The following TSPAN9 variants were observed in gnomAD, a reference collection of about 807,000 sequenced individuals.
The protein encoded by TSPAN9 is tetraspanin 9, also known as tetraspanin-9.
TSPAN9 carries 16 observed loss-of-function variants against 31.0 expected under a neutral mutation model. The observed-to-expected ratio is 0.52, with a 90% CI of 0.35 to 0.78. The LOEUF is 0.78. TSPAN9 is among the 30% of genes least tolerant of loss of function. The probability of loss-of-function intolerance (pLI) is 0.01; values close to 1 mark genes in which losing one functional copy is unlikely to be tolerated. For missense variants in TSPAN9, 272 were observed against 312.5 expected, an observed-to-expected ratio of 0.87 and a Z score of 0.98; for synonymous variants, 145 against 121.6, an observed-to-expected ratio of 1.19 and a Z score of -1.27.
intron 2 of TSPAN9, among the ~76,000 whole-genome samples, chr12:3,125,800 C>T (rs1427046874): frequency 1.3e-5 from 2 of 152,034 alleles, no homozygotes; most frequent in Non-Finnish European, 2.9e-5. Context: ...GCTGACAATA[C>T]GTTTGAAACT....
chr12:3,125,250 C>CTAGTG (rs2098326816), intron 2 of TSPAN9, among the ~76,000 whole-genome samples: 1 of 151,080 alleles, frequency 6.6e-6, no homozygotes, highest in South Asian at 2.1e-4. Context: ...TAACATTTCT[C>CTAGTG]TAGTGAACCA....
At chr12:3,231,671 G>T (rs1346254043) in intron 3 of TSPAN9, among the ~76,000 whole-genome samples, 1 of 152,244 alleles carries the variant, frequency 6.6e-6, no homozygotes, top group African/African-American at 2.4e-5. Context: ...ACAGATGTTC[G>T]CTTTGGAGCC....
intron 2 of TSPAN9, among the ~76,000 whole-genome samples, chr12:3,199,662 AC>A (rs2098369993): frequency 6.6e-6 from 1 of 152,136 alleles, no homozygotes; most frequent in African/African-American, 2.4e-5. Flanking sequence ...CAGCGTCCCA[AC>A]CGAGAACGCG....
chr12:3,131,597 G>A (rs2098329858), intron 2 of TSPAN9, among the ~76,000 whole-genome samples: 2 of 152,148 alleles, frequency 1.3e-5, no homozygotes, highest in South Asian at 4.1e-4. Flanking sequence ...GGGAATGCTG[G>A]CTGTGATGTG....
chr12:3,142,672 G>T (rs1257328083), intron 2 of TSPAN9, among the ~76,000 whole-genome samples: 2 of 152,142 alleles, frequency 1.3e-5, no homozygotes, highest in South Asian at 2.1e-4. Context: ...CTGGTGCCCC[G>T]CATCCCTGCC....
chr12:3,279,097 G>A, intron 5 of TSPAN9, 31 bp downstream of exon 5: 1 of 1,600,516 alleles, frequency 6.2e-7, no homozygotes, highest in Admixed American at 1.7e-5. Context: ...GGGGGCATAT[G>A]GAATGTCACT....
chr12:3,081,801 TAAAAAA>T (rs2098297945), intron 1 of TSPAN9, among the ~76,000 whole-genome samples: 1 of 146,792 alleles, frequency 6.8e-6, no homozygotes, highest in Non-Finnish European at 1.5e-5. Flanking sequence ...CCTCTGTATC[TAAAAAA>T]TTGTGTGTGT....
chr12:3,130,075 G>T (rs891781399), intron 2 of TSPAN9, among the ~76,000 whole-genome samples: 1 of 152,212 alleles, frequency 6.6e-6, no homozygotes, highest in East Asian at 1.9e-4. Flanking sequence ...CGGCTGTACC[G>T]CCTCTTTGGC....
rs111723925 is a variant in TSPAN9, at chr12:3,237,071, G to A, written c.63+35815G>A. 3.3e-3 allele frequency among the ~76,000 whole-genome samples: 501 copies of A among 152,316 alleles called. 3 individuals carry two copies. The highest frequency in any genetic ancestry group is 6.8e-3 in the Middle Eastern group (2 of 294). ...TGCTTTGAATGACTCATCAGGGAGGGCCTCCTGGAGTAGGTGGGGCGGCAG... is the reference window on the plus strand; with the variant it reads ...TGCTTTGAATGACTCATCAGGGAGGACCTCCTGGAGTAGGTGGGGCGGCAG... On this transcript the variant is annotated intron_variant, in intron 3 of 8. Coordinates refer to ENST00000011898, the MANE Select transcript of TSPAN9 (RefSeq NM_006675.5).
chr12:3,238,094 C>T (rs2098394727), intron 3 of TSPAN9, among the ~76,000 whole-genome samples: 1 of 152,142 alleles, frequency 6.6e-6, no homozygotes, highest in Admixed American at 6.5e-5. Context: ...CGAGACTATT[C>T]CCTCATTTTC....
intron 2 of TSPAN9, among the ~76,000 whole-genome samples, chr12:3,178,814 G>C (rs955507415): frequency 4.6e-5 from 7 of 152,218 alleles, no homozygotes; most frequent in African/African-American, 1.7e-4. Context: ...TGTGGTTTGA[G>C]GGTGGGCTTA....
intron 2 of TSPAN9, among the ~76,000 whole-genome samples, chr12:3,095,459 G>A (rs1197722684): frequency 1.8e-4 from 26 of 141,554 alleles, no homozygotes; most frequent in Admixed American, 1.7e-3. Flanking sequence ...GGGCAGAGGC[G>A]CCCCTCACCT....
intron 2 of TSPAN9, among the ~76,000 whole-genome samples, chr12:3,182,506 G>A (rs976132010): frequency 6.6e-6 from 1 of 151,104 alleles, no homozygotes; most frequent in Admixed American, 6.6e-5. Context: ...AAAGTTGGCC[G>A]GGCTGCAGTT....
intron 2 of TSPAN9, among the ~76,000 whole-genome samples, chr12:3,159,434 A>G (rs929754067): frequency 6.6e-6 from 1 of 152,140 alleles, no homozygotes; most frequent in African/African-American, 2.4e-5. Context: ...TACAGGCTCA[A>G]TTTTGCCCCT....
At chr12:3,212,046 A>C (rs1022387622) in intron 3 of TSPAN9, 3 of 599,630 alleles carry the variant, frequency 5.0e-6, no homozygotes, top group Admixed American at 6.2e-5. Context: ...ATCTCAGCTC[A>C]TCGGAACCTC....
chr12:3,157,440 A>T (rs1591652458), intron 2 of TSPAN9, among the ~76,000 whole-genome samples: 1 of 152,276 alleles, frequency 6.6e-6, no homozygotes, highest in East Asian at 1.9e-4. Context: ...TTTTGAAGCT[A>T]GACACATGTG....
intron 2 of TSPAN9, among the ~76,000 whole-genome samples, chr12:3,109,268 CTGTGTG>C (rs1226380985): frequency 1.0e-4 from 12 of 119,300 alleles, no homozygotes; most frequent in South Asian, 3.0e-4. Flanking sequence ...TTCATATAGT[CTGTGTG>C]TGTGTGTGTG....
intron 2 of TSPAN9, among the ~76,000 whole-genome samples, chr12:3,096,584 A>G (rs1282984001): frequency 6.6e-6 from 1 of 151,740 alleles, no homozygotes; most frequent in Non-Finnish European, 1.5e-5. Context: ...ATGTGGCCCT[A>G]ATCTCATCCA....
At chr12:3,217,358 C>G (rs2098381906) in intron 3 of TSPAN9, among the ~76,000 whole-genome samples, 1 of 152,156 alleles carries the variant, frequency 6.6e-6, no homozygotes. Flanking sequence ...GAGACACCCT[C>G]AGCTTCTCTG....
Sources: allele counts gnomAD v4.1 joint callset (sites outside exome capture counted in the v4.1 genomes callset), GRCh38; gene constraint gnomAD v4.1.1; transcripts MANE v1.5; gene names NCBI Gene and HGNC (gene_info 2026-07-23, HGNC 2026-07-21).